CBR1: variants seen among roughly 807,000 people sequenced by gnomAD.
CBR1 encodes the protein carbonyl reductase 1.
Under a neutral mutation model 10.6 loss-of-function variants are expected in CBR1, and 11 were observed. The ratio of observed to expected loss-of-function variants is 1.03; its 90% CI spans 0.65 to 1.71. CBR1 has a LOEUF of 1.71. CBR1 is among the 40% of genes most tolerant of loss of function. The probability of loss-of-function intolerance (pLI) is 0.00; values close to 1 mark genes in which losing one functional copy is unlikely to be tolerated. For synonymous variants in CBR1, 158 were observed against 156.7 expected (o/e 1.01, Z -0.06); for missense variants, 361 against 368.6 (o/e 0.98, Z 0.17).
intron 2 of CBR1, chr21:36,071,550 A>C: frequency 1.8e-6 from 1 of 559,778 alleles, no homozygotes; most frequent in South Asian, 2.2e-5. Context: ...TTTCCCCACA[A>C]TCTAAGATAT....
chr21:36,071,118 TG>T (rs946491141), intron 2 of CBR1, 61 bp downstream of exon 2: 2 of 1,122,438 alleles, frequency 1.8e-6, no homozygotes, highest in Admixed American at 3.4e-5. Context: ...CCTGCTTGCC[TG>T]GGATTTCTCC....
Position 36,072,140 on chromosome 21 carries a change from T to G in CBR1, c.398-306T>G, listed in dbSNP as rs572847319. ...TGCATGTACAGCTTACTCTCAGCTT[T>G]TATCCTGTTTCCCTGTCCTGTCGTC... On this transcript the variant is annotated intron_variant, in intron 2 of 2. Transcript: ENST00000290349. The G allele has an allele frequency of 5.9e-6, 9 of 1,537,436 alleles. No homozygotes were observed. The African/African-American group carries it at 1.1e-4, about 19-fold the overall frequency.
intron 2 of CBR1, chr21:36,071,742 T>C: frequency 9.7e-7 from 1 of 1,032,886 alleles, no homozygotes; most frequent in Non-Finnish European, 1.4e-6. Context: ...GGCCCTCACC[T>C]GTCCCTCTGG....
Position 36,070,333 on chromosome 21 carries a change from T to A in CBR1, c.218T>A (p.Leu73Gln). 2.5e-6 allele frequency: 4 copies of A among 1,613,384 alleles called. No homozygotes were observed. The highest frequency in any genetic ancestry group is 3.4e-6 in the Non-Finnish European group (4 of 1,179,938). Residue 73 changes from leucine (L) to glutamine (Q), a missense_variant, in exon 1 of 3, where the codon CTG (leucine) becomes CAG (glutamine). Physicochemically the swap from Leu to Gln is moderately radical, Grantham distance 113. Coordinates refer to ENST00000290349, the MANE Select transcript of CBR1 (RefSeq NM_001757.4). ...GACGATCTGCAGAGCATCCGCGCCC[T>A]GCGCGACTTCCTGCGCAAGGAGTAC... ...DIDDLQSIRA[L>Q]RDFLRKEYGG...
Position 36,070,045 on chromosome 21 carries a change from C to T in CBR1, c.-71C>T. 1.4e-6 allele frequency: 2 copies of T among 1,425,260 alleles called. No individual in the cohort carries two copies. Among genetic ancestry groups the T allele is most frequent in the East Asian group, 2.7e-5 (1 of 37,706 alleles). 88.3% of individuals were successfully genotyped at this position (1,425,260 alleles called of 1,614,324 possible). On this transcript the variant is annotated 5_prime_UTR_variant, in exon 1 of 3. Transcript: ENST00000290349. ...CGCCAGACTCGAGCAGTCTCTGGAA[C>T]ACGCTGCGGGGCTCCCGGGCCTGAG...
In CBR1 at chr21:36,070,217, G is replaced by C; in HGVS notation, c.102G>C (p.Val34=). The part of the protein sequence containing the change: ...DLCRLFSGDV[V]LTARDVTRGQ... ...GCCGGCTGTTCTCGGGGGACGTGGT[G>C]CTCACGGCGCGGGACGTGACGCGGG... The change falls in exon 1 of 3, where the codon GTG becomes GTC. Residue 34 remains valine, a synonymous_variant. Coordinates refer to ENST00000290349, the MANE Select transcript of CBR1 (RefSeq NM_001757.4). 1 of 1,608,848 alleles carries C rather than the reference G, an allele frequency of 6.2e-7. No homozygotes were observed.
intron 2 of CBR1, chr21:36,072,192 T>C: frequency 6.4e-7 from 1 of 1,550,562 alleles, no homozygotes; most frequent in Non-Finnish European, 8.7e-7. Flanking sequence ...CTTCTAAGGC[T>C]CTGGTTCACC....
At chr21:36,071,453 C>T (rs2065351633) in intron 2 of CBR1, 2 of 582,542 alleles carry the variant, frequency 3.4e-6, no homozygotes, top group Admixed American at 3.0e-5. Flanking sequence ...TCATTAGGCC[C>T]TTCTAATACC....
At chr21:36,072,167 TGTTAA>T in intron 2 of CBR1, 1 of 1,548,808 alleles carries the variant, frequency 6.5e-7, no homozygotes, top group South Asian at 1.2e-5. Flanking sequence ...CCTGTCGTCC[TGTTAA>T]GTTGTGCTAC....
At chr21:36,071,715 A>G (rs2065353294) in intron 2 of CBR1, 3 of 755,236 alleles carry the variant, frequency 4.0e-6, no homozygotes, top group Non-Finnish European at 6.6e-6. Flanking sequence ...AATCCGTCTC[A>G]TTGCAGCTCT....
At chr21:36,071,521 TC>T (rs1456735462) in intron 2 of CBR1, 1 of 558,004 alleles carries the variant, frequency 1.8e-6, no homozygotes, top group Non-Finnish European at 3.2e-6. Flanking sequence ...TTGCTGCCTT[TC>T]CATCTCTTCC....
rs371089618 is a variant in CBR1 at position 36,070,129 on chromosome 21, T to C, written c.14T>C (p.Ile5Thr). The part of the protein sequence containing the change: MSSG[I>T]HVALVTGGNK... ...CCCCGTTCAGCCATGTCGTCCGGCA[T>C]CCATGTAGCGCTGGTGACTGGAGGC... The change falls in exon 1 of 3, where the codon ATC (isoleucine) becomes ACC (threonine). Residue 5 changes from isoleucine to threonine, a missense_variant. Ile to Thr is a moderately conservative substitution (Grantham distance 89). Coordinates refer to ENST00000290349, the MANE Select transcript of CBR1 (RefSeq NM_001757.4). The C allele has an allele frequency of 6.5e-7, 1 of 1,533,030 alleles. No individual in the cohort carries two copies. The highest frequency in any genetic ancestry group is 1.4e-5 in the African/African-American group (1 of 72,618). 95.0% of individuals were successfully genotyped at this position (1,533,030 alleles called of 1,614,324 possible).
intron 2 of CBR1, chr21:36,071,758 T>C: frequency 7.9e-7 from 1 of 1,267,152 alleles, no homozygotes. Flanking sequence ...TCTGGACAAT[T>C]GCAAACCCTC....
chr21:36,070,985 G>A lies in CBR1; in HGVS notation c.325G>A (p.Val109Met). Reference protein sequence around the residue: ...DPTPFHIQAEVTMKTNFFGTR... With the variant: ...DPTPFHIQAEMTMKTNFFGTR... ...CACACCCTTTCATATTCAAGCTGAA[G>A]TGACGATGAAAACAAATTTCTTTGG... The change falls in exon 2 of 3, where the codon GTG becomes ATG. Residue 109 changes from valine to methionine, a missense_variant. Coordinates refer to ENST00000290349, the MANE Select transcript of CBR1 (RefSeq NM_001757.4). 1 of 1,612,930 alleles carries A rather than the reference G, an allele frequency of 6.2e-7. No individual in the cohort carries two copies. Among genetic ancestry groups the A allele is most frequent in the Non-Finnish European group, 8.5e-7 (1 of 1,179,758 alleles).
At position 36,072,103 on chromosome 21, in the gene CBR1, G is replaced by C. The variant is rs1025280728; in HGVS notation, c.398-343G>C. On this transcript the variant is annotated intron_variant, in intron 2 of 2. Coordinates refer to ENST00000290349, the MANE Select transcript of CBR1 (RefSeq NM_001757.4). ...TAGAAAAATTTAAATGTGTGGCTTC[G>C]AGTTGGGTACTTGCATGTACAGCTT... 1.5e-5 allele frequency: 23 copies of C among 1,499,592 alleles called. No individual in the cohort carries two copies. In the South Asian group the frequency reaches 2.8e-4, roughly 18 times the overall value. The allele number at this position is 1,499,592 out of a possible 1,614,324, so 92.9% of individuals were successfully genotyped here.
intron 2 of CBR1, chr21:36,071,800 CTT>C (rs754500903): frequency 3.1e-5 from 47 of 1,526,044 alleles, no homozygotes; most frequent in Non-Finnish European, 4.0e-5. Flanking sequence ...GTCTTTTCCT[CTT>C]TTCCTTTCCC....
chr21:36,072,883 G>C lies in CBR1; in HGVS notation c.*1G>C. ...AGAGAAGAGAGTTGAACAGTGGTGA[G>C]CTGGGCTCACAGCTCCATCCATGGG... On this transcript the variant is annotated 3_prime_UTR_variant, in exon 3 of 3. Transcript: ENST00000290349. 1 of 1,605,486 alleles carries C rather than the reference G, an allele frequency of 6.2e-7. No individual in the cohort carries two copies. Among genetic ancestry groups the C allele is most frequent in the South Asian group, 1.1e-5 (1 of 90,574 alleles).
chr21:36,072,390 C>T (rs1568957819), intron 2 of CBR1, 56 bp from the exon 3 acceptor site: 7 of 1,613,650 alleles, frequency 4.3e-6, no homozygotes, highest in South Asian at 1.1e-5. Flanking sequence ...TTGGCATTCA[C>T]CTCTCTACGG....
At position 36,071,252 on chromosome 21, in the gene CBR1, T is replaced by TTCG. The variant is rs559624284; in HGVS notation, c.397+198_397+200dup. On this transcript the variant is annotated intron_variant, in intron 2 of 2. Coordinates refer to ENST00000290349, the MANE Select transcript of CBR1 (RefSeq NM_001757.4). Reference sequence around the variant, plus strand: ...CTCACTTCTCCCACTCCCATGGCCATTCGTCCTCCCTGTCGCACTGGTCTT... The same window carrying TTCG: ...CTCACTTCTCCCACTCCCATGGCCATTCGTCGTCCTCCCTGTCGCACTGGTCTT... The TTCG allele has an allele frequency of 3.6e-4, 251 of 698,954 alleles. 2 individuals are homozygous for TTCG. The African/African-American group carries it at 3.8e-3, about 11-fold the overall frequency. 43.3% of individuals were successfully genotyped at this position (698,954 alleles called of 1,614,324 possible). A position where few individuals can be genotyped will look rare whatever the true frequency, so the allele number is the denominator to read the frequency against.
Sources: gnomAD v4.1 joint callset for allele counts on GRCh38, gnomAD v4.1.1 for gene constraint, MANE v1.5 for transcripts, NCBI Gene and HGNC (gene_info 2026-07-23, HGNC 2026-07-21) for gene names.